The following PKP4 variants were observed in gnomAD, a reference collection of about 807,000 sequenced individuals.
The protein encoded by PKP4 is plakophilin 4, also known as plakophilin-4.
Under a neutral mutation model 145.1 loss-of-function variants are expected in PKP4, and 90 were observed. The ratio of observed to expected loss-of-function variants is 0.62; its 90% CI spans 0.52 to 0.74. PKP4 has a LOEUF of 0.74. Among genes scored for constraint, PKP4 ranks in the 30% least tolerant of loss-of-function variants. PKP4 has a pLI of 0.00. For synonymous variants in PKP4, 563 were observed against 577.2 expected (o/e 0.98, Z 0.35); for missense variants, 1,340 against 1,482.7 (o/e 0.90, Z 1.58).
intron 15 of PKP4, among the ~76,000 whole-genome samples, chr2:158,664,354 T>C (rs1255962931): frequency 6.6e-6 from 1 of 152,210 alleles, no homozygotes; most frequent in African/African-American, 2.4e-5. Context: ...GTATGAAAAC[T>C]GAAGACAGTT....
chr2:158,521,784 TA>T (rs2042393296), intron 1 of PKP4, among the ~76,000 whole-genome samples: 1 of 152,220 alleles, frequency 6.6e-6, no homozygotes, highest in Non-Finnish European at 1.5e-5. Context: ...CCAGTTTCAT[TA>T]TAAGTAAAAC....
At chr2:158,464,156 C>T (rs1690217117) in intron 1 of PKP4, among the ~76,000 whole-genome samples, 1 of 152,158 alleles carries the variant, frequency 6.6e-6, no homozygotes, top group South Asian at 2.1e-4. Context: ...TGAGAAAGAT[C>T]CACTTCTTAC....
intron 1 of PKP4, among the ~76,000 whole-genome samples, chr2:158,509,719 G>T (rs752775943): frequency 6.6e-6 from 1 of 152,130 alleles, no homozygotes; most frequent in African/African-American, 2.4e-5. Context: ...AGGCTGAGGC[G>T]AGTGGATCAC....
chr2:158,468,748 G>C (rs922592163), intron 1 of PKP4, among the ~76,000 whole-genome samples: 3 of 147,140 alleles, frequency 2.0e-5, no homozygotes. Flanking sequence ...AAAGAAATTA[G>C]ACATTTTCTT....
chr2:158,495,389 T>C (rs1207069178), intron 1 of PKP4, among the ~76,000 whole-genome samples: 1 of 151,116 alleles, frequency 6.6e-6, no homozygotes, highest in Non-Finnish European at 1.5e-5. Flanking sequence ...AAAGTTCACT[T>C]GGCTCATCAC....
intron 1 of PKP4, among the ~76,000 whole-genome samples, chr2:158,526,175 C>A (rs1231382035): frequency 1.5e-5 from 2 of 131,444 alleles, no homozygotes; most frequent in Non-Finnish European, 3.2e-5. Flanking sequence ...GGCAGAGACA[C>A]AACCAAAAAA....
chr2:158,625,521 C>A, intron 7 of PKP4, 94 bp downstream of exon 7: 1 of 1,056,204 alleles, frequency 9.5e-7, no homozygotes, highest in Non-Finnish European at 1.4e-6. Context: ...GGAAAAGGCT[C>A]ATTCGTGTTT....
intron 2 of PKP4, among the ~76,000 whole-genome samples, chr2:158,553,261 C>G (rs1219791675): frequency 2.6e-5 from 4 of 152,176 alleles, no homozygotes; most frequent in Admixed American, 6.5e-5. Flanking sequence ...TTAGGAGATT[C>G]ACTTTTAGGA....
At chr2:158,616,433 A>T (rs149488252) in intron 4 of PKP4, among the ~76,000 whole-genome samples, 1 of 152,314 alleles carries the variant, frequency 6.6e-6, no homozygotes, top group Non-Finnish European at 1.5e-5. Context: ...GGAGAGCCCC[A>T]TGACCAGAGA....
At chr2:158,540,826 C>A (rs980642659) in intron 2 of PKP4, among the ~76,000 whole-genome samples, 2 of 152,036 alleles carry the variant, frequency 1.3e-5, no homozygotes, top group African/African-American at 2.4e-5. Context: ...AGCATTGTTT[C>A]GTTTACATTT....
At chr2:158,573,490 T>C (rs1025125243) in intron 2 of PKP4, among the ~76,000 whole-genome samples, 7 of 152,216 alleles carry the variant, frequency 4.6e-5, no homozygotes, top group Non-Finnish European at 8.8e-5. Context: ...AATATTTTAC[T>C]TCATAAAACA....
chr2:158,472,586 C>T (rs1462994398), intron 1 of PKP4, among the ~76,000 whole-genome samples: 1 of 130,566 alleles, frequency 7.7e-6, no homozygotes, highest in Non-Finnish European at 1.5e-5. Context: ...GCACTCCAGC[C>T]TGGGACACAG....
chr2:158,551,599 TA>T (rs2045630468), intron 2 of PKP4, among the ~76,000 whole-genome samples: 1 of 152,246 alleles, frequency 6.6e-6, no homozygotes, highest in African/African-American at 2.4e-5. Flanking sequence ...GAGTAATTTC[TA>T]AAATAAAGGC....
At chr2:158,674,094 T>A (rs556887613) in intron 19 of PKP4, 94 bp downstream of exon 19, 1 of 799,686 alleles carries the variant, frequency 1.3e-6, no homozygotes, top group Non-Finnish European at 2.3e-6. Context: ...TGGTTAAGCC[T>A]GTCATCTCCA....
chr2:158,566,124 A>G (rs949774085), intron 2 of PKP4, among the ~76,000 whole-genome samples: 1 of 152,192 alleles, frequency 6.6e-6, no homozygotes, highest in Admixed American at 6.5e-5. Context: ...TTCCTGTGTT[A>G]GGTGGTATTT....
chr2:158,669,685 T>G (rs1292589129), intron 16 of PKP4, 35 bp from the exon 17 acceptor site: 1 of 1,481,042 alleles, frequency 6.8e-7, no homozygotes, highest in Admixed American at 2.2e-5. Context: ...CCTAGTACCT[T>G]CTGGAAGTAG....
intron 1 of PKP4, among the ~76,000 whole-genome samples, chr2:158,521,112 G>A (rs1474932788): frequency 6.6e-6 from 1 of 152,130 alleles, no homozygotes; most frequent in Non-Finnish European, 1.5e-5. Flanking sequence ...TGGAATTACA[G>A]GACTACAGAG....
At chr2:158,602,741 A>T (rs1000372047) in intron 3 of PKP4, among the ~76,000 whole-genome samples, 4 of 152,170 alleles carry the variant, frequency 2.6e-5, no homozygotes, top group Admixed American at 6.5e-5. Context: ...CATATATATG[A>T]TACGTATGTG....
chr2:158,660,396 G>A (rs544218225), intron 12 of PKP4: 1 of 152,662 alleles, frequency 6.6e-6, no homozygotes, highest in Non-Finnish European at 1.5e-5. Flanking sequence ...CAGGACCTGG[G>A]GCACTCCTGG....
Sources: gnomAD v4.1 joint callset for allele counts (sites outside exome capture counted in the v4.1 genomes callset) on GRCh38, gnomAD v4.1.1 for gene constraint, MANE v1.5 for transcripts, NCBI Gene and HGNC (gene_info 2026-07-23, HGNC 2026-07-21) for gene names.